Variants in EGFR observed in about 807,000 individuals in gnomAD.
EGFR encodes avian erythroblastic leukemia viral (v-erb-b) oncogene homolog.
A neutral mutation model predicts 143.0 loss-of-function variants in EGFR; 58 were observed. The observed-to-expected ratio is 0.41, with a 90% CI of 0.33 to 0.50. The LOEUF is 0.50. Ranked by LOEUF, EGFR falls within the 20% of genes least tolerant of loss-of-function variation. The pLI is 0.39. For missense variants in EGFR, 1,307 were observed against 1,579.0 expected, an observed-to-expected ratio of 0.83 and a Z score of 2.92; for synonymous variants, 613 against 594.4, an observed-to-expected ratio of 1.03 and a Z score of -0.45.
At chr7:55,160,605 T>C (rs888200623) in intron 12 of EGFR, among the ~76,000 whole-genome samples, 4 of 152,220 alleles carry the variant, frequency 2.6e-5, no homozygotes, top group African/African-American at 9.7e-5. Context: ...TTAGTATTAG[T>C]TATATTACCT....
At chr7:55,172,441 C>T (rs1431684500) in intron 16 of EGFR, among the ~76,000 whole-genome samples, 1 of 151,900 alleles carries the variant, frequency 6.6e-6, no homozygotes, top group Non-Finnish European at 1.5e-5. Context: ...AATCCTATTC[C>T]TTTATAACCC....
At chr7:55,191,588 C>A (rs1787395280) in intron 20 of EGFR, 131 bp from the exon 21 acceptor site, 1 of 1,176,520 alleles carries the variant, frequency 8.5e-7, no homozygotes, top group Non-Finnish European at 1.2e-6. Flanking sequence ...TCAGTAGTCA[C>A]TAACGTTCGC....
intron 1 of EGFR, 90 bp downstream of exon 1, chr7:55,019,455 C>T (rs1475843567): frequency 1.4e-6 from 1 of 732,814 alleles, no homozygotes; most frequent in Non-Finnish European, 1.8e-6. Context: ...CGCACCGGCT[C>T]GGCGCCCGCG....
intron 1 of EGFR, among the ~76,000 whole-genome samples, chr7:55,099,450 ATG>A (rs1238932315): frequency 2.0e-5 from 3 of 152,248 alleles, no homozygotes; most frequent in Admixed American, 6.5e-5. Flanking sequence ...GATGAGGACA[ATG>A]TCCTTGTCTA....
At chr7:55,043,399 C>A (rs1388928005) in intron 1 of EGFR, among the ~76,000 whole-genome samples, 1 of 152,102 alleles carries the variant, frequency 6.6e-6, no homozygotes, top group Non-Finnish European at 1.5e-5. Flanking sequence ...CACTTTGTCA[C>A]CCAGGCTGGA....
intron 1 of EGFR, among the ~76,000 whole-genome samples, chr7:55,036,446 A>C (rs1787591586): frequency 6.6e-6 from 1 of 152,056 alleles, no homozygotes; most frequent in East Asian, 1.9e-4. Context: ...AAATGTATTC[A>C]TTTCTTGAAA....
intron 1 of EGFR, among the ~76,000 whole-genome samples, chr7:55,116,582 A>G (rs1792861264): frequency 1.3e-5 from 2 of 152,230 alleles, no homozygotes; most frequent in African/African-American, 2.4e-5. Flanking sequence ...AATTTGGCCA[A>G]TATCACAAAC....
At chr7:55,074,154 G>A (rs190289760) in intron 1 of EGFR, among the ~76,000 whole-genome samples, 50 of 152,288 alleles carry the variant, frequency 3.3e-4, no homozygotes, top group Admixed American at 3.0e-3. Context: ...TAAGGTACAC[G>A]CTATTAACCT....
At chr7:55,076,963 C>T (rs1379902611) in intron 1 of EGFR, among the ~76,000 whole-genome samples, 2 of 151,692 alleles carry the variant, frequency 1.3e-5, no homozygotes, top group Non-Finnish European at 2.9e-5. Context: ...TCTGCTTGGA[C>T]ATTAGAAAAC....
At chr7:55,191,091 C>T (rs542701972) in intron 20 of EGFR, among the ~76,000 whole-genome samples, 34 of 152,314 alleles carry the variant, frequency 2.2e-4, no homozygotes, top group Non-Finnish European at 4.1e-4. Context: ...TCCTTTCTTA[C>T]TCTCAGAGCA....
At position 55,116,292 on chromosome 7, in the gene EGFR, T is replaced by C. The variant is rs569234744; in HGVS notation, c.89-25994T>C. ...CTGGGGCCAGCTATTGAGATTCCTG[T>C]GCCCACGCAATGCGCACATCCCACC... is the stretch of plus-strand genomic sequence containing the variant. On this transcript the variant is annotated intron_variant, in intron 1 of 27. Coordinates refer to ENST00000275493, the MANE Select transcript of EGFR (RefSeq NM_005228.5). 1.2e-4 allele frequency among the ~76,000 whole-genome samples: 19 copies of C among 152,334 alleles called. No homozygotes were observed. In the East Asian group the frequency reaches 3.3e-3, roughly 26 times the overall value.
intron 1 of EGFR, among the ~76,000 whole-genome samples, chr7:55,054,824 G>C (rs915311711): frequency 3.9e-5 from 6 of 152,204 alleles, no homozygotes; most frequent in Non-Finnish European, 5.9e-5. Context: ...ATCTCCCTCA[G>C]ATGCTCTTTC....
intron 21 of EGFR, among the ~76,000 whole-genome samples, chr7:55,192,469 G>T (rs756208400): frequency 6.6e-6 from 1 of 152,184 alleles, no homozygotes; most frequent in Non-Finnish European, 1.5e-5. Flanking sequence ...ATGATGCTGG[G>T]CCCTGAAAAC....
chr7:55,182,533 G>A (rs1401071614), intron 20 of EGFR: 1 of 152,214 alleles, frequency 6.6e-6, no homozygotes, highest in Non-Finnish European at 1.5e-5. Context: ...ATCTGCCCTT[G>A]ACACCACCAG....
rs186601311 is a variant in EGFR at position 55,194,601 on chromosome 7, T to C, written c.2701+1760T>C. On this transcript the variant is annotated intron_variant, in intron 22 of 27. Transcript: ENST00000275493. ...CACCTGGCCATGACTGATGGGTTGC[T>C]GGGCCATCTGGCCCTGGCAACTCTC... 6.1e-3 allele frequency among the ~76,000 whole-genome samples: 930 copies of C among 152,338 alleles called. 27 individuals carry two copies. Among genetic ancestry groups the C allele is most frequent in the Admixed American group, 0.041 (624 of 15,300 alleles).
chr7:55,148,386 C>T (rs1794877471), intron 4 of EGFR, among the ~76,000 whole-genome samples: 1 of 151,632 alleles, frequency 6.6e-6, no homozygotes, highest in Non-Finnish European at 1.5e-5. Context: ...TGGGAAAGAC[C>T]CACAGAGAAA....
At chr7:55,082,467 G>A (rs924864384) in intron 1 of EGFR, among the ~76,000 whole-genome samples, 1 of 152,128 alleles carries the variant, frequency 6.6e-6, no homozygotes, top group Non-Finnish European at 1.5e-5. Flanking sequence ...TAAACTCAGT[G>A]GGTGGCATCC....
At chr7:55,158,761 C>A (rs1199167583) in intron 11 of EGFR, among the ~76,000 whole-genome samples, 1 of 152,186 alleles carries the variant, frequency 6.6e-6, no homozygotes, top group Non-Finnish European at 1.5e-5. Flanking sequence ...TCACTGAGGC[C>A]CCAGACCTGC....
intron 12 of EGFR, 68 bp downstream of exon 12, chr7:55,160,406 A>G (rs1562770998): frequency 1.3e-6 from 2 of 1,484,708 alleles, no homozygotes; most frequent in Non-Finnish European, 1.9e-6. Context: ...TATTTAGAAT[A>G]TTGAAGGGCT....
Sources: allele counts gnomAD v4.1 joint callset (sites outside exome capture counted in the v4.1 genomes callset), GRCh38; gene constraint gnomAD v4.1.1; transcripts MANE v1.5; gene names NCBI Gene and HGNC (gene_info 2026-07-23, HGNC 2026-07-21).